ARL15: variants seen among roughly 807,000 people sequenced by gnomAD.
ARL15 encodes ARF like GTPase 15.
ARL15 carries 19 observed loss-of-function variants against 25.2 expected under a neutral mutation model. The observed-to-expected ratio is 0.75, with a 90% confidence interval of 0.53 to 1.10. The LOEUF (loss-of-function observed/expected upper bound fraction) is 1.10, where lower values mean the gene tolerates loss of function less well. ARL15 is among the 50% of genes least tolerant of loss of function. The pLI is 0.00. For synonymous variants in ARL15, 94 were observed against 86.8 expected (o/e 1.08, Z -0.46); for missense variants, 220 against 246.0 (o/e 0.89, Z 0.71).
chr5:54,111,710 T>C (rs926877014), intron 4 of ARL15, among the ~76,000 whole-genome samples: 1 of 152,142 alleles, frequency 6.6e-6, no homozygotes, highest in Non-Finnish European at 1.5e-5. Context: ...CATACACACA[T>C]TATACTGTCT....
At chr5:54,261,183 G>A (rs1258836550) in intron 1 of ARL15, among the ~76,000 whole-genome samples, 2 of 152,134 alleles carry the variant, frequency 1.3e-5, no homozygotes, top group African/African-American at 4.8e-5. Flanking sequence ...AGCATTGCCT[G>A]CCACATCCAT....
At chr5:54,213,070 T>C (rs1756089006) in intron 1 of ARL15, among the ~76,000 whole-genome samples, 1 of 152,196 alleles carries the variant, frequency 6.6e-6, no homozygotes, top group Non-Finnish European at 1.5e-5. Flanking sequence ...CTCCTAAAAA[T>C]AGTAATGCCC....
intron 4 of ARL15, among the ~76,000 whole-genome samples, chr5:53,980,298 C>A (rs1748078029): frequency 6.6e-6 from 1 of 152,206 alleles, no homozygotes. Context: ...GTGCTAAACA[C>A]TTAATTTGCA....
chr5:54,236,967 GAGTGAA>G (rs1756826538), intron 1 of ARL15, among the ~76,000 whole-genome samples: 2 of 152,294 alleles, frequency 1.3e-5, no homozygotes, highest in East Asian at 3.9e-4. Context: ...ATTGGAACAT[GAGTGAA>G]AATGATGTGT....
In ARL15 at chr5:54,188,410, C is replaced by G. The variant is rs1755297515; in HGVS notation, c.49-16482G>C. On this transcript the variant is annotated intron_variant, in intron 1 of 4. Coordinates refer to ENST00000504924, the MANE Select transcript of ARL15 (RefSeq NM_019087.3). ...CTATACAAGGAATTATGACTCCATC[C>G]TGAACAGACTGCTTATCTCCCCATG... 2.0e-5 allele frequency among the ~76,000 whole-genome samples: 3 copies of G among 152,228 alleles called. No individual in the cohort carries two copies. The South Asian group carries it at 6.2e-4, about 32-fold the overall frequency.
intron 4 of ARL15, among the ~76,000 whole-genome samples, chr5:54,071,979 G>GAAAAAAAAAAAA (rs71989027): frequency 7.9e-6 from 1 of 126,174 alleles, no homozygotes; most frequent in African/African-American, 3.1e-5. Flanking sequence ...CTCAAAAAAA[G>GAAAAAAAAAAAA]AAAAAAAAAA....
intron 4 of ARL15, among the ~76,000 whole-genome samples, chr5:53,908,134 T>C (rs911370469): frequency 9.2e-5 from 14 of 152,240 alleles, no homozygotes; most frequent in Admixed American, 4.6e-4. Context: ...AGAGACCACA[T>C]TTGTTTTCAT....
At chr5:54,082,075 A>AG (rs1329539567) in intron 4 of ARL15, among the ~76,000 whole-genome samples, 1 of 118,204 alleles carries the variant, frequency 8.5e-6, no homozygotes, top group Non-Finnish European at 1.7e-5. Context: ...TGGGTAACAA[A>AG]AAAAAAAGAA....
intron 2 of ARL15, among the ~76,000 whole-genome samples, chr5:54,155,848 T>C (rs1754216371): frequency 6.6e-6 from 1 of 152,198 alleles, no homozygotes; most frequent in African/African-American, 2.4e-5. Flanking sequence ...TGTTTTGCCA[T>C]GTACTTATAT....
chr5:54,163,563 G>A (rs1315680911), intron 2 of ARL15, among the ~76,000 whole-genome samples: 1 of 151,378 alleles, frequency 6.6e-6, no homozygotes. Flanking sequence ...AAAAAAGAAA[G>A]AAAAGGTATC....
intron 4 of ARL15, among the ~76,000 whole-genome samples, chr5:53,937,531 A>G (rs1179361765): frequency 6.6e-6 from 1 of 152,208 alleles, no homozygotes; most frequent in Non-Finnish European, 1.5e-5. Context: ...GGCCTTTAGA[A>G]TTATAATACT....
chr5:54,136,528 A>G (rs1753607664), intron 3 of ARL15, among the ~76,000 whole-genome samples: 1 of 152,202 alleles, frequency 6.6e-6, no homozygotes, highest in Non-Finnish European at 1.5e-5. Flanking sequence ...ATAGCATCAC[A>G]GTGTCAAGAT....
At chr5:54,065,718 A>G (rs1248859845) in intron 4 of ARL15, among the ~76,000 whole-genome samples, 1 of 152,124 alleles carries the variant, frequency 6.6e-6, no homozygotes, top group Non-Finnish European at 1.5e-5. Flanking sequence ...AACAACTACA[A>G]AAAACAAATT....
chr5:54,095,137 G>A (rs758609438), intron 4 of ARL15, among the ~76,000 whole-genome samples: 8 of 152,138 alleles, frequency 5.3e-5, no homozygotes, highest in Non-Finnish European at 8.8e-5. Context: ...GAGGTCATAT[G>A]AGTTGATCTA....
intron 4 of ARL15, among the ~76,000 whole-genome samples, chr5:53,987,709 G>T (rs1748341156): frequency 6.6e-6 from 1 of 152,156 alleles, no homozygotes; most frequent in Admixed American, 6.5e-5. Flanking sequence ...CCAGCAGTTT[G>T]GGAGGCCAAG....
intron 1 of ARL15, among the ~76,000 whole-genome samples, chr5:54,176,900 AAT>A (rs1303211665): frequency 3.3e-5 from 5 of 152,180 alleles, no homozygotes; most frequent in Non-Finnish European, 5.9e-5. Context: ...CTGGCCACCC[AAT>A]ATACAGCCCA....
intron 1 of ARL15, chr5:54,282,518 G>T (rs1214521953): frequency 1.0e-6 from 1 of 985,268 alleles, no homozygotes; most frequent in African/African-American, 1.7e-5. Flanking sequence ...AAAGTCTGGG[G>T]CATGTGGCTT....
At chr5:53,929,091 G>A (rs1718830275) in intron 4 of ARL15, among the ~76,000 whole-genome samples, 1 of 151,132 alleles carries the variant, frequency 6.6e-6, no homozygotes. Flanking sequence ...AAGTTAGAGG[G>A]AAACGATTCC....
chr5:53,997,492 C>A (rs1476150432), intron 4 of ARL15, among the ~76,000 whole-genome samples: 1 of 152,134 alleles, frequency 6.6e-6, no homozygotes, highest in Non-Finnish European at 1.5e-5. Flanking sequence ...CTCCCTAAAT[C>A]CTCATCACCT....
Sources: allele counts gnomAD v4.1 joint callset (sites outside exome capture counted in the v4.1 genomes callset), GRCh38; gene constraint gnomAD v4.1.1; transcripts MANE v1.5; gene names NCBI Gene and HGNC (gene_info 2026-07-23, HGNC 2026-07-21).